Variants in DLG2 observed in about 807,000 individuals in gnomAD.
The protein encoded by DLG2 is discs large MAGUK scaffold protein 2, also known as disks large homolog 2.
In DLG2, 45 loss-of-function variants were observed where a neutral mutation model predicts 132.5. That is an observed-to-expected ratio of 0.34 (90% CI 0.27 to 0.44). The LOEUF (loss-of-function observed/expected upper bound fraction) is 0.44. Ranked by LOEUF, DLG2 falls within the 20% of genes least tolerant of loss-of-function variation. The pLI is 1.00. For missense variants in DLG2, 1,045 were observed against 1,196.9 expected, an observed-to-expected ratio of 0.87 and a Z score of 1.87; for synonymous variants, 424 against 419.6, an observed-to-expected ratio of 1.01 and a Z score of -0.13.
chr11:84,508,461 G>A (rs938931261), intron 7 of DLG2, among the ~76,000 whole-genome samples: 1 of 149,114 alleles, frequency 6.7e-6, no homozygotes, highest in African/African-American at 2.5e-5. Context: ...GGAGTGCAGT[G>A]GCGCAATCTC....
intron 7 of DLG2, among the ~76,000 whole-genome samples, chr11:84,457,777 T>C (rs2099069294): frequency 6.6e-6 from 1 of 151,018 alleles, no homozygotes; most frequent in South Asian, 2.1e-4. Flanking sequence ...TCCAAAGTTA[T>C]ATTTATAATT....
At chr11:85,156,285 G>T (rs1417475851) in intron 4 of DLG2, among the ~76,000 whole-genome samples, 1 of 152,158 alleles carries the variant, frequency 6.6e-6, no homozygotes, top group African/African-American at 2.4e-5. Context: ...ATGTGTTTAT[G>T]TATGTTTATC....
intron 7 of DLG2, among the ~76,000 whole-genome samples, chr11:84,385,836 C>G (rs117214057): frequency 7.9e-5 from 12 of 152,150 alleles, no homozygotes; most frequent in Non-Finnish European, 8.8e-5. Context: ...CCTGTATGCA[C>G]GCATAATTTT....
chr11:83,819,834 G>A (rs1349044877), intron 17 of DLG2, among the ~76,000 whole-genome samples: 1 of 152,084 alleles, frequency 6.6e-6, no homozygotes, highest in Non-Finnish European at 1.5e-5. Flanking sequence ...GTCCAACGTT[G>A]AAGAAGGAGT....
chr11:83,692,265 A>C (rs2081127635), intron 18 of DLG2, among the ~76,000 whole-genome samples: 1 of 152,248 alleles, frequency 6.6e-6, no homozygotes, highest in Non-Finnish European at 1.5e-5. Context: ...AGCATAATGG[A>C]GTTCAATGAT....
intron 3 of DLG2, among the ~76,000 whole-genome samples, chr11:85,416,617 T>G (rs1303248429): frequency 6.6e-6 from 1 of 152,200 alleles, no homozygotes; most frequent in African/African-American, 2.4e-5. Flanking sequence ...TGTCATTTCC[T>G]TGAGCAGTGG....
At chr11:85,253,667 G>A (rs557856971) in intron 4 of DLG2, among the ~76,000 whole-genome samples, 1 of 152,162 alleles carries the variant, frequency 6.6e-6, no homozygotes, top group Non-Finnish European at 1.5e-5. Flanking sequence ...TGGAGGGTCA[G>A]TGTGACAGCA....
intron 19 of DLG2, among the ~76,000 whole-genome samples, chr11:83,622,453 C>T (rs1359957857): frequency 6.6e-6 from 1 of 152,186 alleles, no homozygotes. Context: ...TCATTAGGGA[C>T]TCTCTCAATT....
chr11:83,586,188 C>T lies in DLG2; in HGVS notation c.1941-44330G>A, dbSNP rs1156990008. ...ATTCAGGAGTGGGGCATGGGCATTG[C>T]CCAGGTCAGGAGCCAGAAAAAAGGG... On this transcript the variant is annotated intron_variant, in intron 19 of 27. Transcript: ENST00000376104. 2.6e-5 allele frequency among the ~76,000 whole-genome samples: 4 copies of T among 152,290 alleles called. No individual in the cohort carries two copies. The South Asian group carries it at 8.3e-4, about 32-fold the overall frequency.
intron 22 of DLG2, among the ~76,000 whole-genome samples, chr11:83,478,255 G>C (rs886711463): frequency 2.6e-5 from 4 of 152,006 alleles, no homozygotes; most frequent in East Asian, 3.9e-4. Context: ...TCTGAGCTGT[G>C]ATAAAGACTC....
intron 6 of DLG2, among the ~76,000 whole-genome samples, chr11:84,724,097 G>C (rs1210062893): frequency 6.6e-6 from 1 of 152,048 alleles, no homozygotes; most frequent in Admixed American, 6.6e-5. Flanking sequence ...CGAGGGAAAA[G>C]AATAGATTGG....
Position 85,154,118 on chromosome 11 carries a change from C to T in DLG2, c.282+438G>A, listed in dbSNP as rs556753612. Among the ~76,000 whole-genome samples the T allele has an allele frequency of 4.1e-5, 6 of 146,876 alleles. No homozygotes were observed. In the South Asian group the frequency reaches 1.3e-3, roughly 33 times the overall value. On this transcript the variant is annotated intron_variant, in intron 5 of 27. Coordinates refer to ENST00000376104, the MANE Select transcript of DLG2 (RefSeq NM_001142699.3). ...TGAGCCCATCATGGATGCCCACCCTCCCTCTCTTCTTTTGGAGAAAAAAAA... is the reference window on the plus strand; with the variant it reads ...TGAGCCCATCATGGATGCCCACCCTTCCTCTCTTCTTTTGGAGAAAAAAAA...
At chr11:83,927,293 TAC>T (rs1449073618) in intron 15 of DLG2, among the ~76,000 whole-genome samples, 4 of 152,284 alleles carry the variant, frequency 2.6e-5, no homozygotes, top group Admixed American at 6.5e-5. Context: ...TAGCAGGTGA[TAC>T]AGTCATGAAA....
chr11:83,754,076 G>A (rs1332664241), intron 18 of DLG2, among the ~76,000 whole-genome samples: 1 of 149,874 alleles, frequency 6.7e-6, no homozygotes, highest in Non-Finnish European at 1.5e-5. Context: ...TAAACATGGA[G>A]CTTATTTAGT....
intron 7 of DLG2, among the ~76,000 whole-genome samples, chr11:84,521,690 T>C (rs1238485960): frequency 6.6e-6 from 1 of 152,164 alleles, no homozygotes; most frequent in African/African-American, 2.4e-5. Flanking sequence ...CTAATTCATA[T>C]AAATATGTTG....
At chr11:84,328,967 T>C (rs921867128) in intron 7 of DLG2, among the ~76,000 whole-genome samples, 17 of 152,228 alleles carry the variant, frequency 1.1e-4, no homozygotes, top group African/African-American at 4.1e-4. Flanking sequence ...CTAAGGATGA[T>C]GTAGTGAACT....
At chr11:84,464,404 CCTAG>C (rs2099088607) in intron 7 of DLG2, among the ~76,000 whole-genome samples, 1 of 151,060 alleles carries the variant, frequency 6.6e-6, no homozygotes, top group Non-Finnish European at 1.5e-5. Flanking sequence ...GAGTACTAAC[CCTAG>C]CTTTGTAAGA....
At chr11:85,578,717 A>G (rs546440256) in intron 3 of DLG2, among the ~76,000 whole-genome samples, 29 of 152,108 alleles carry the variant, frequency 1.9e-4, no homozygotes, top group South Asian at 1.9e-3. Context: ...CAATTACTAC[A>G]AAGTGTTAAA....
intron 22 of DLG2, among the ~76,000 whole-genome samples, chr11:83,477,806 A>C (rs898027971): frequency 6.6e-6 from 1 of 152,032 alleles, no homozygotes; most frequent in African/African-American, 2.4e-5. Context: ...GGAATGCACT[A>C]GAAAAATGCA....
Sources: gnomAD v4.1 joint callset for allele counts (sites outside exome capture counted in the v4.1 genomes callset) on GRCh38, gnomAD v4.1.1 for gene constraint, MANE v1.5 for transcripts, NCBI Gene and HGNC (gene_info 2026-07-23, HGNC 2026-07-21) for gene names.